MMP16: variants seen among roughly 807,000 people sequenced by gnomAD.
MMP16 encodes matrix metallopeptidase 16.
MMP16 carries 12 observed loss-of-function variants against 67.8 expected under a neutral mutation model. The ratio of observed to expected loss-of-function variants is 0.18; its 90% CI spans 0.11 to 0.29. The LOEUF (loss-of-function observed/expected upper bound fraction) is 0.29, where lower values mean the gene tolerates loss of function less well. Among genes scored for constraint, MMP16 ranks in the 10% least tolerant of loss-of-function variants. The pLI, the probability that MMP16 is intolerant of heterozygous loss-of-function variation, is 1.00. For missense variants in MMP16, 475 were observed against 765.7 expected (o/e 0.62, Z 4.48); for synonymous variants, 249 against 255.9 (o/e 0.97, Z 0.26).
At chr8:88,195,800 T>C (rs1042424211) in intron 2 of MMP16, among the ~76,000 whole-genome samples, 2 of 152,174 alleles carry the variant, frequency 1.3e-5, no homozygotes, top group Non-Finnish European at 2.9e-5. Context: ...TTAATATTTA[T>C]GCATCTCTCA....
chr8:88,140,179 T>C (rs1209468105), intron 4 of MMP16, among the ~76,000 whole-genome samples: 1 of 152,038 alleles, frequency 6.6e-6, no homozygotes, highest in Non-Finnish European at 1.5e-5. Context: ...AACTTGCAAA[T>C]TGGTGTTGGC....
chr8:88,130,014 A>G (rs1808000008), intron 4 of MMP16, among the ~76,000 whole-genome samples: 1 of 151,784 alleles, frequency 6.6e-6, no homozygotes, highest in Admixed American at 6.6e-5. Context: ...GATTAAAGCT[A>G]TTGATGCTAA....
chr8:88,247,980 T>C (rs752407548), intron 1 of MMP16, among the ~76,000 whole-genome samples: 9 of 151,978 alleles, frequency 5.9e-5, no homozygotes, highest in Non-Finnish European at 1.0e-4. Context: ...CCAAGTGAAT[T>C]TGAATTGGGG....
At chr8:88,089,640 G>T (rs1441001105) in intron 6 of MMP16, among the ~76,000 whole-genome samples, 1 of 151,908 alleles carries the variant, frequency 6.6e-6, no homozygotes, top group Non-Finnish European at 1.5e-5. Context: ...ATTCAGAAGG[G>T]TCTGACAGGC....
intron 4 of MMP16, among the ~76,000 whole-genome samples, chr8:88,157,570 G>GAT (rs750618842): frequency 1.3e-5 from 2 of 151,940 alleles, no homozygotes; most frequent in Non-Finnish European, 2.9e-5. Context: ...TGGTGTCTCT[G>GAT]ATAGAGTGTT....
intron 4 of MMP16, among the ~76,000 whole-genome samples, chr8:88,160,010 G>A (rs1031020181): frequency 4.0e-5 from 6 of 151,232 alleles, no homozygotes; most frequent in Non-Finnish European, 7.4e-5. Context: ...TAGGGTACAT[G>A]TGCACAATGT....
chr8:88,072,731 G>A (rs950664718), intron 7 of MMP16, among the ~76,000 whole-genome samples: 1 of 152,134 alleles, frequency 6.6e-6, no homozygotes, highest in Admixed American at 6.6e-5. Flanking sequence ...TTTAGGAACT[G>A]AAAATAAAAT....
At chr8:88,290,102 C>T (rs1810903059) in intron 1 of MMP16, among the ~76,000 whole-genome samples, 1 of 152,088 alleles carries the variant, frequency 6.6e-6, no homozygotes. Context: ...TTTGAGGTAA[C>T]AAATAAATTA....
intron 6 of MMP16, among the ~76,000 whole-genome samples, chr8:88,101,124 T>A (rs1270345087): frequency 2.6e-5 from 4 of 151,390 alleles, no homozygotes; most frequent in African/African-American, 9.7e-5. Context: ...AAAGTATAAT[T>A]TAAAAAATAA....
intron 1 of MMP16, among the ~76,000 whole-genome samples, chr8:88,228,240 A>G (rs765056626): frequency 2.6e-5 from 4 of 152,114 alleles, no homozygotes; most frequent in Non-Finnish European, 5.9e-5. Context: ...TAATTTGTTC[A>G]TACCCTTAGA....
intron 6 of MMP16, among the ~76,000 whole-genome samples, chr8:88,111,602 CTT>C (rs997326256): frequency 2.0e-4 from 30 of 151,624 alleles, no homozygotes; most frequent in Non-Finnish European, 1.5e-5. Context: ...ACTGAAATAA[CTT>C]TGGCTTTTAT....
intron 4 of MMP16, among the ~76,000 whole-genome samples, chr8:88,146,403 C>T (rs1469828557): frequency 6.6e-6 from 1 of 151,966 alleles, no homozygotes; most frequent in East Asian, 1.9e-4. Context: ...CTACCTCCCT[C>T]AAAACTAATC....
At chr8:88,164,855 G>A (rs1462707373) in intron 4 of MMP16, among the ~76,000 whole-genome samples, 1 of 151,664 alleles carries the variant, frequency 6.6e-6, no homozygotes, top group African/African-American at 2.4e-5. Context: ...GTGCATTGAC[G>A]TGATTGTCCC....
chr8:88,149,556 G>C (rs1046335708), intron 4 of MMP16, among the ~76,000 whole-genome samples: 57 of 152,128 alleles, frequency 3.7e-4, no homozygotes, highest in Non-Finnish European at 7.9e-4. Context: ...CCTGACCCCT[G>C]ACCCCCGAGC....
At chr8:88,230,508 C>T (rs559007191) in intron 1 of MMP16, among the ~76,000 whole-genome samples, 3 of 149,254 alleles carry the variant, frequency 2.0e-5, no homozygotes, top group African/African-American at 7.4e-5. Context: ...AGCCTAAATA[C>T]TTACTGCTAG....
At chr8:88,044,802 A>T (rs1313311594) in intron 9 of MMP16, among the ~76,000 whole-genome samples, 1 of 152,198 alleles carries the variant, frequency 6.6e-6, no homozygotes, top group African/African-American at 2.4e-5. Flanking sequence ...TTACACGTTT[A>T]TTAGTAAGAA....
intron 1 of MMP16, among the ~76,000 whole-genome samples, chr8:88,233,497 C>T (rs1006234853): frequency 6.6e-6 from 1 of 152,182 alleles, no homozygotes; most frequent in African/African-American, 2.4e-5. Flanking sequence ...CTCTTCTCAT[C>T]AGTTCAGTTC....
In MMP16 at chr8:88,290,154, T is replaced by C. The variant is rs139435480; in HGVS notation, c.132+36921A>G. On this transcript the variant is annotated intron_variant, in intron 1 of 9. Transcript: ENST00000286614. ...TCATAAATATGGAATCCACAAATAA[T>C]GAGCACTGAATGCATATGGAACACC... Among the ~76,000 whole-genome samples, 714 of 152,306 alleles carry C rather than the reference T, an allele frequency of 4.7e-3. 7 individuals are homozygous for C. The highest frequency in any genetic ancestry group is 0.016 in the African/African-American group (679 of 41,570).
In MMP16 at chr8:88,127,391, T is replaced by G. The variant is rs73287049; in HGVS notation, c.710-8530A>C. On this transcript the variant is annotated intron_variant, in intron 4 of 9. Coordinates refer to ENST00000286614, the MANE Select transcript of MMP16 (RefSeq NM_005941.5). ...AAGACTGCTTCAGTAGACAAAGAAT[T>G]AGGTGATGAGGGCTAAGGTAGTGAT... Among the ~76,000 whole-genome samples the G allele has an allele frequency of 5.9e-3, 903 of 151,852 alleles. 3 individuals are homozygous for G. Among genetic ancestry groups the G allele is most frequent in the African/African-American group, 0.02 (846 of 41,454 alleles).
Sources: gnomAD v4.1 joint callset for allele counts (sites outside exome capture counted in the v4.1 genomes callset) on GRCh38, gnomAD v4.1.1 for gene constraint, MANE v1.5 for transcripts, NCBI Gene and HGNC (gene_info 2026-07-23, HGNC 2026-07-21) for gene names.